TENM3: variants seen among roughly 807,000 people sequenced by gnomAD.
TENM3 encodes the protein teneurin transmembrane protein 3, also known as teneurin-3.
In TENM3, 63 loss-of-function variants were observed where a neutral mutation model predicts 255.1. That is an observed-to-expected ratio of 0.25 (90% CI 0.20 to 0.30). The LOEUF is 0.30. TENM3 is among the 10% of genes least tolerant of loss of function. The probability of loss-of-function intolerance (pLI) is 1.00; values close to 1 mark genes in which losing one functional copy is unlikely to be tolerated. For synonymous variants in TENM3, 1,306 were observed against 1,322.3 expected, an observed-to-expected ratio of 0.99 and a Z score of 0.27; for missense variants, 2,929 against 3,461.1, an observed-to-expected ratio of 0.85 and a Z score of 3.86.
At chr4:182,373,281 A>G (rs1449200383) in intron 3 of TENM3, among the ~76,000 whole-genome samples, 1 of 152,200 alleles carries the variant, frequency 6.6e-6, no homozygotes, top group Non-Finnish European at 1.5e-5. Flanking sequence ...TGTGACCCCT[A>G]TCTTCCTAGA....
At chr4:182,273,420 A>G (rs1422627742) in intron 1 of TENM3, among the ~76,000 whole-genome samples, 1 of 152,248 alleles carries the variant, frequency 6.6e-6, no homozygotes, top group Non-Finnish European at 1.5e-5. Flanking sequence ...TTTGAAAGAC[A>G]GATAATTCAC....
upstream of TENM3, among the ~76,000 whole-genome samples, chr4:182,241,518 C>CTTTTCTTTT (rs1554036904): frequency 8.8e-6 from 1 of 114,278 alleles, no homozygotes; most frequent in African/African-American, 3.8e-5. Flanking sequence ...TTTTTTCTTT[C>CTTTTCTTTT]TTTTTTTTTT....
At chr4:181,696,978 G>C in the TENM3 span, among the ~76,000 whole-genome samples, 3 of 152,222 alleles carry the variant, frequency 2.0e-5, no homozygotes, top group Non-Finnish European at 4.4e-5. Context: ...TCAGAAGCCA[G>C]ATTTCATCTT....
At chr4:182,118,679 G>T in the TENM3 span, among the ~76,000 whole-genome samples, 1 of 152,072 alleles carries the variant, frequency 6.6e-6, no homozygotes, top group African/African-American at 2.4e-5. Flanking sequence ...ATAGGTGTTA[G>T]ATTTTATCAG....
chr4:181,825,817 A>C, the TENM3 span, among the ~76,000 whole-genome samples: 1 of 152,298 alleles, frequency 6.6e-6, no homozygotes, highest in African/African-American at 2.4e-5. Context: ...CAAGACCAAA[A>C]CTGTTTATTT....
At chr4:182,582,619 A>AC (rs972908419) in intron 3 of TENM3, among the ~76,000 whole-genome samples, 1 of 152,194 alleles carries the variant, frequency 6.6e-6, no homozygotes, top group Non-Finnish European at 1.5e-5. Flanking sequence ...AACAAAAAAA[A>AC]ACATATAAAA....
At chr4:181,503,363 C>T in the TENM3 span, among the ~76,000 whole-genome samples, 2 of 152,228 alleles carry the variant, frequency 1.3e-5, no homozygotes, top group African/African-American at 2.4e-5. Context: ...GAGACTCTGT[C>T]TCTAAAAAGT....
At chr4:182,273,211 C>A (rs562927089) in intron 1 of TENM3, among the ~76,000 whole-genome samples, 1 of 152,218 alleles carries the variant, frequency 6.6e-6, no homozygotes, top group Admixed American at 6.5e-5. Context: ...AGTCGATCCC[C>A]CGACAGCCCT....
the TENM3 span, among the ~76,000 whole-genome samples, chr4:181,638,115 T>A: frequency 6.6e-6 from 1 of 152,248 alleles, no homozygotes; most frequent in African/African-American, 2.4e-5. Context: ...TATTACTATG[T>A]AACTTTTAAA....
intron 3 of TENM3, among the ~76,000 whole-genome samples, chr4:182,433,742 G>A (rs7654223): frequency 6.6e-6 from 1 of 152,014 alleles, no homozygotes; most frequent in African/African-American, 2.4e-5. Context: ...TAGAATATGG[G>A]TTGGAGTGTG....
chr4:181,536,148 C>T, the TENM3 span, among the ~76,000 whole-genome samples: 1 of 152,172 alleles, frequency 6.6e-6, no homozygotes, highest in Non-Finnish European at 1.5e-5. Flanking sequence ...ATAATAGGTG[C>T]TCAGTAAATG....
At chr4:181,631,244 G>T in the TENM3 span, among the ~76,000 whole-genome samples, 1 of 151,914 alleles carries the variant, frequency 6.6e-6, no homozygotes, top group East Asian at 1.9e-4. Context: ...CTCCACCATA[G>T]GCTCTCTCAT....
chr4:182,077,118 G>A, the TENM3 span, among the ~76,000 whole-genome samples: 3 of 151,936 alleles, frequency 2.0e-5, no homozygotes, highest in Admixed American at 6.6e-5. Context: ...TATGACTCTT[G>A]CCATCATTGT....
the TENM3 span, among the ~76,000 whole-genome samples, chr4:181,753,916 G>T: frequency 3.3e-5 from 5 of 152,124 alleles, no homozygotes. Flanking sequence ...TTCCTCAGCC[G>T]GCAGGCAACA....
the TENM3 span, among the ~76,000 whole-genome samples, chr4:181,536,263 CT>C: frequency 6.6e-6 from 1 of 152,154 alleles, no homozygotes; most frequent in Non-Finnish European, 1.5e-5. Flanking sequence ...TGAATGGCCT[CT>C]TCACTTTGTG....
the TENM3 span, among the ~76,000 whole-genome samples, chr4:182,033,858 A>T: frequency 6.6e-6 from 1 of 152,100 alleles, no homozygotes; most frequent in Non-Finnish European, 1.5e-5. Context: ...GGATTGCAGC[A>T]CTTGCATTTT....
At chr4:182,227,706 G>A (rs771526713) in intron 1 of TENM3, among the ~76,000 whole-genome samples, 72 of 148,156 alleles carry the variant, frequency 4.9e-4, no homozygotes, top group Non-Finnish European at 7.4e-4. Flanking sequence ...AGTGGCTTCC[G>A]GGCAAAGAAG....
chr4:182,474,796 T>A (rs530690573), intron 3 of TENM3, among the ~76,000 whole-genome samples: 2 of 152,336 alleles, frequency 1.3e-5, no homozygotes, highest in East Asian at 3.9e-4. Context: ...ATCATAATTC[T>A]ATTTTATTTG....
At chr4:182,684,081 A>C (rs1756380193) in intron 11 of TENM3, among the ~76,000 whole-genome samples, 1 of 151,764 alleles carries the variant, frequency 6.6e-6, no homozygotes, top group Non-Finnish European at 1.5e-5. Context: ...GAGAAATAGA[A>C]AAGAGATGAA....
Sources: allele counts gnomAD v4.1 joint callset (sites outside exome capture counted in the v4.1 genomes callset), GRCh38; gene constraint gnomAD v4.1.1; transcripts MANE v1.5; gene names NCBI Gene and HGNC (gene_info 2026-07-23, HGNC 2026-07-21).